The following NEK7 variants were observed in gnomAD, a reference collection of about 807,000 sequenced individuals.
NEK7 encodes the protein NIMA related kinase 7.
In NEK7, 18 loss-of-function variants were observed where a neutral mutation model predicts 44.6. The ratio of observed to expected loss-of-function variants is 0.40; its 90% CI spans 0.28 to 0.60. The LOEUF is 0.60. NEK7 is among the 20% of genes least tolerant of loss of function. The pLI, the probability that NEK7 is intolerant of heterozygous loss-of-function variation, is 0.38. For synonymous variants in NEK7, 130 were observed against 121.1 expected (o/e 1.07, Z -0.48); for missense variants, 256 against 366.5 (o/e 0.70, Z 2.46).
At chr1:198,259,077 C>A (rs1381191688) in intron 3 of NEK7, among the ~76,000 whole-genome samples, 1 of 152,004 alleles carries the variant, frequency 6.6e-6, no homozygotes, top group East Asian at 1.9e-4. Context: ...TTTAGATGTG[C>A]CATCAATGCT....
At chr1:198,173,354 A>G (rs1310896565) in intron 1 of NEK7, among the ~76,000 whole-genome samples, 2 of 151,824 alleles carry the variant, frequency 1.3e-5, no homozygotes, top group Non-Finnish European at 2.9e-5. Context: ...GCTTGAGCAA[A>G]GGAGTTTGAG....
At chr1:198,178,915 T>C (rs1664680209) in intron 1 of NEK7, among the ~76,000 whole-genome samples, 1 of 152,018 alleles carries the variant, frequency 6.6e-6, no homozygotes, top group African/African-American at 2.4e-5. Flanking sequence ...ATTTGATTCA[T>C]TATCTCATTT....
At chr1:198,214,177 G>T (rs1571538367) in intron 1 of NEK7, among the ~76,000 whole-genome samples, 1 of 152,030 alleles carries the variant, frequency 6.6e-6, no homozygotes, top group East Asian at 1.9e-4. Context: ...ATAAAACCCA[G>T]TTGAATAAAA....
chr1:198,210,278 G>A (rs1051350323), intron 1 of NEK7, among the ~76,000 whole-genome samples: 3 of 152,150 alleles, frequency 2.0e-5, no homozygotes, highest in Non-Finnish European at 4.4e-5. Flanking sequence ...GTGTGATGGG[G>A]TCTTGCTATG....
At chr1:198,222,294 C>G (rs1320089833) in intron 1 of NEK7, among the ~76,000 whole-genome samples, 11 of 152,034 alleles carry the variant, frequency 7.2e-5, no homozygotes, top group African/African-American at 2.2e-4. Flanking sequence ...TTTTTTCAAT[C>G]ACATTAAAAA....
At chr1:198,171,868 T>C (rs1664454922) in intron 1 of NEK7, among the ~76,000 whole-genome samples, 1 of 152,146 alleles carries the variant, frequency 6.6e-6, no homozygotes, top group Non-Finnish European at 1.5e-5. Context: ...GAGTGTCTTC[T>C]CTACAAGGCC....
intron 7 of NEK7, among the ~76,000 whole-genome samples, chr1:198,280,627 G>A (rs532605509): frequency 4.0e-5 from 6 of 151,708 alleles, no homozygotes; most frequent in Admixed American, 3.9e-4. Flanking sequence ...AAATTATAGA[G>A]TAAAATTAAT....
intron 1 of NEK7, among the ~76,000 whole-genome samples, chr1:198,181,606 A>G (rs1664768998): frequency 6.6e-6 from 1 of 152,104 alleles, no homozygotes; most frequent in African/African-American, 2.4e-5. Context: ...ATCATATTCC[A>G]GTGCTTTTCC....
At chr1:198,228,356 T>C (rs1428502810) in intron 1 of NEK7, among the ~76,000 whole-genome samples, 1 of 152,218 alleles carries the variant, frequency 6.6e-6, no homozygotes, top group African/African-American at 2.4e-5. Flanking sequence ...TGCAGGCTCT[T>C]TTTTGGTTCC....
At chr1:198,310,459 T>C (rs1655145165) in intron 9 of NEK7, among the ~76,000 whole-genome samples, 1 of 146,730 alleles carries the variant, frequency 6.8e-6, no homozygotes, top group Non-Finnish European at 1.5e-5. Context: ...TAGATCCCAT[T>C]TGTCAATTTT....
At chr1:198,310,891 T>G (rs1655161857) in intron 9 of NEK7, among the ~76,000 whole-genome samples, 1 of 150,964 alleles carries the variant, frequency 6.6e-6, no homozygotes, top group Non-Finnish European at 1.5e-5. Flanking sequence ...AGCTTTGTTC[T>G]TTTCGCTTAG....
intron 9 of NEK7, among the ~76,000 whole-genome samples, chr1:198,311,459 T>A (rs1655179397): frequency 6.6e-6 from 1 of 151,536 alleles, no homozygotes; most frequent in African/African-American, 2.4e-5. Context: ...CCCTGGCCAG[T>A]GCTTCCAACA....
chr1:198,225,897 T>C (rs1666208237), intron 1 of NEK7, among the ~76,000 whole-genome samples: 1 of 152,172 alleles, frequency 6.6e-6, no homozygotes, highest in South Asian at 2.1e-4. Flanking sequence ...ATGATAGTTT[T>C]TTCATCATTG....
intron 1 of NEK7, among the ~76,000 whole-genome samples, chr1:198,158,307 G>A (rs574544305): frequency 1.3e-5 from 2 of 152,308 alleles, no homozygotes; most frequent in East Asian, 1.9e-4. Flanking sequence ...TCTCCTTTGA[G>A]GTTACTGAGC....
chr1:198,215,499 A>G (rs1422404447), intron 1 of NEK7, among the ~76,000 whole-genome samples: 1 of 151,938 alleles, frequency 6.6e-6, no homozygotes, highest in Non-Finnish European at 1.5e-5. Context: ...ATTTATTTTT[A>G]TTTTGCTCAT....
chr1:198,246,745 T>C (rs181995725), intron 2 of NEK7, among the ~76,000 whole-genome samples: 1 of 152,374 alleles, frequency 6.6e-6, no homozygotes, highest in Admixed American at 6.5e-5. Context: ...TGTCAAGTTA[T>C]TGTGCAGACA....
intron 1 of NEK7, among the ~76,000 whole-genome samples, chr1:198,180,252 G>A (rs1221507374): frequency 1.3e-5 from 2 of 149,440 alleles, no homozygotes; most frequent in Non-Finnish European, 3.0e-5. Flanking sequence ...ATATTTAAAA[G>A]CCTTTGCATC....
intron 1 of NEK7, among the ~76,000 whole-genome samples, chr1:198,195,470 T>A (rs956400393): frequency 6.6e-6 from 1 of 152,218 alleles, no homozygotes; most frequent in Admixed American, 6.5e-5. Context: ...CTGTTTAATA[T>A]AAATAGAGAG....
chr1:198,238,307 A>G (rs1666591680), intron 2 of NEK7, among the ~76,000 whole-genome samples: 1 of 151,958 alleles, frequency 6.6e-6, no homozygotes, highest in South Asian at 2.1e-4. Flanking sequence ...TCCATCCACA[A>G]TGCCTCTTCT....
Sources: gnomAD v4.1 joint callset for allele counts (sites outside exome capture counted in the v4.1 genomes callset) on GRCh38, gnomAD v4.1.1 for gene constraint, MANE v1.5 for transcripts, NCBI Gene and HGNC (gene_info 2026-07-23, HGNC 2026-07-21) for gene names.